P2RY14: variants seen among roughly 807,000 people sequenced by gnomAD.
P2RY14 encodes the protein purinergic receptor P2Y14.
P2RY14 carries 2 observed loss-of-function variants against 0.9 expected under a neutral mutation model. That is an observed-to-expected ratio of 2.16 (90% CI 0.88 to 6.79). The LOEUF (loss-of-function observed/expected upper bound fraction) is 6.79. P2RY14 is among the 30% of genes most tolerant of loss of function. The pLI, the probability that P2RY14 is intolerant of heterozygous loss-of-function variation, is 0.05. For synonymous variants in P2RY14, 158 were observed against 147.2 expected (o/e 1.07, Z -0.53); for missense variants, 378 against 400.1 (o/e 0.94, Z 0.47).
At chr3:151,273,630 A>C (rs1390235794) in intron 1 of P2RY14, among the ~76,000 whole-genome samples, 2 of 152,122 alleles carry the variant, frequency 1.3e-5, no homozygotes, top group African/African-American at 4.8e-5. Context: ...AATGAGGCAT[A>C]GAGTTGTTAA....
intron 1 of P2RY14, among the ~76,000 whole-genome samples, chr3:151,239,470 T>G (rs981861290): frequency 2.6e-5 from 4 of 152,212 alleles, no homozygotes; most frequent in Non-Finnish European, 5.9e-5. Context: ...AGAATCCAAC[T>G]GTCTTCTCTA....
intron 1 of P2RY14, among the ~76,000 whole-genome samples, chr3:151,260,180 A>T (rs1019230869): frequency 7.9e-5 from 12 of 152,178 alleles, no homozygotes; most frequent in African/African-American, 2.9e-4. Flanking sequence ...CTTAATGGAC[A>T]CGGTGTTTAA....
At chr3:151,238,401 C>G (rs1251316903) in intron 1 of P2RY14, among the ~76,000 whole-genome samples, 2 of 152,214 alleles carry the variant, frequency 1.3e-5, no homozygotes, top group Admixed American at 6.5e-5. Flanking sequence ...CCCGCCTCAG[C>G]CTCCCAAAGT....
chr3:151,241,596 T>A (rs1734089182), intron 1 of P2RY14, among the ~76,000 whole-genome samples: 2 of 152,152 alleles, frequency 1.3e-5, no homozygotes, highest in African/African-American at 4.8e-5. Flanking sequence ...ACACACACTT[T>A]CACAGTGGGT....
chr3:151,268,633 A>G (rs1207824620), intron 1 of P2RY14, among the ~76,000 whole-genome samples: 1 of 152,188 alleles, frequency 6.6e-6, no homozygotes, highest in Non-Finnish European at 1.5e-5. Context: ...GGTTTTTTAA[A>G]TCTAGAATGT....
At chr3:151,268,482 C>A (rs749357053) in intron 1 of P2RY14, among the ~76,000 whole-genome samples, 36 of 152,146 alleles carry the variant, frequency 2.4e-4, no homozygotes, top group Non-Finnish European at 4.6e-4. Context: ...CAAGGCATGT[C>A]CTAGGCAGAA....
chr3:151,258,950 T>C (rs2090791002), intron 1 of P2RY14, among the ~76,000 whole-genome samples: 1 of 152,144 alleles, frequency 6.6e-6, no homozygotes, highest in South Asian at 2.1e-4. Context: ...TGTTAGCCTC[T>C]GCAGGCTTCG....
intron 1 of P2RY14, among the ~76,000 whole-genome samples, chr3:151,247,415 A>G (rs1453256804): frequency 2.0e-5 from 3 of 152,050 alleles, no homozygotes; most frequent in Non-Finnish European, 2.9e-5. Flanking sequence ...CATGTACACC[A>G]TGGAATACTA....
chr3:151,274,016 A>G (rs987913551), intron 1 of P2RY14, among the ~76,000 whole-genome samples: 9 of 152,170 alleles, frequency 5.9e-5, no homozygotes, highest in Non-Finnish European at 1.2e-4. Context: ...AGCATTTTAA[A>G]GTTCTCACAC....
At chr3:151,216,284 T>C (rs1047430407) in intron 2 of P2RY14, among the ~76,000 whole-genome samples, 1 of 152,228 alleles carries the variant, frequency 6.6e-6, no homozygotes, top group African/African-American at 2.4e-5. Context: ...GAAAGAAAGA[T>C]TGTGGGAACA....
intron 1 of P2RY14, among the ~76,000 whole-genome samples, chr3:151,229,623 C>T (rs567107531): frequency 4.3e-4 from 65 of 151,724 alleles, no homozygotes; most frequent in Middle Eastern, 3.4e-3. Flanking sequence ...GGACTACAGG[C>T]GCCCACCACC....
intron 1 of P2RY14, among the ~76,000 whole-genome samples, chr3:151,270,622 T>A (rs557864807): frequency 2.0e-5 from 3 of 152,264 alleles, no homozygotes; most frequent in African/African-American, 7.2e-5. Flanking sequence ...TTTCTCTTGT[T>A]TAAAAAAAGA....
chr3:151,246,158 G>A (rs1182411797), intron 1 of P2RY14, among the ~76,000 whole-genome samples: 4 of 152,160 alleles, frequency 2.6e-5, no homozygotes, highest in Non-Finnish European at 5.9e-5. Flanking sequence ...ATGCTCATGG[G>A]TAGGAAGAAT....
intron 1 of P2RY14, among the ~76,000 whole-genome samples, chr3:151,261,892 T>G (rs1738985805): frequency 6.6e-6 from 1 of 151,808 alleles, no homozygotes; most frequent in Non-Finnish European, 1.5e-5. Context: ...GCCTGGCTAA[T>G]TTTTTTGTAT....
chr3:151,229,617 T>G (rs929000922), intron 1 of P2RY14, among the ~76,000 whole-genome samples: 1 of 151,818 alleles, frequency 6.6e-6, no homozygotes. Context: ...TAGCTGGGAC[T>G]ACAGGCGCCC....
At chr3:151,257,956 T>G (rs1041760372) in intron 1 of P2RY14, among the ~76,000 whole-genome samples, 1 of 152,342 alleles carries the variant, frequency 6.6e-6, no homozygotes, top group African/African-American at 2.4e-5. Flanking sequence ...CTTTTAGGCA[T>G]TTTGTAAATA....
intron 1 of P2RY14, among the ~76,000 whole-genome samples, chr3:151,245,627 A>G (rs1355878405): frequency 1.3e-5 from 2 of 149,182 alleles, no homozygotes; most frequent in Non-Finnish European, 1.5e-5. Flanking sequence ...TTTCAAAATA[A>G]TAAGAGCTAT....
At chr3:151,220,152 G>A (rs1003890709) in intron 1 of P2RY14, among the ~76,000 whole-genome samples, 6 of 148,318 alleles carry the variant, frequency 4.0e-5, no homozygotes, top group Non-Finnish European at 7.4e-5. Flanking sequence ...CCCAAGTTGC[G>A]GTAATCAAAA....
intron 1 of P2RY14, among the ~76,000 whole-genome samples, chr3:151,264,642 A>G (rs1399848589): frequency 6.6e-6 from 1 of 152,196 alleles, no homozygotes; most frequent in Non-Finnish European, 1.5e-5. Flanking sequence ...TGTCATAATC[A>G]ATGCTGGGAG....
Sources: gnomAD v4.1 joint callset for allele counts (sites outside exome capture counted in the v4.1 genomes callset) on GRCh38, gnomAD v4.1.1 for gene constraint, MANE v1.5 for transcripts, NCBI Gene and HGNC (gene_info 2026-07-23, HGNC 2026-07-21) for gene names.